KAZN: variants seen among roughly 807,000 people sequenced by gnomAD.
The protein encoded by KAZN is kazrin, periplakin interacting protein, also known as kazrin.
Under a neutral mutation model 87.4 loss-of-function variants are expected in KAZN, and 40 were observed. The ratio of observed to expected loss-of-function variants is 0.46; its 90% CI spans 0.36 to 0.60. KAZN has a LOEUF of 0.60. Ranked by LOEUF, KAZN falls within the 20% of genes least tolerant of loss-of-function variation. The probability of loss-of-function intolerance (pLI) is 0.00; values close to 1 mark genes in which losing one functional copy is unlikely to be tolerated. For synonymous variants in KAZN, 466 were observed against 458.3 expected (o/e 1.02, Z -0.22); for missense variants, 898 against 1,073.9 (o/e 0.84, Z 2.29).
At chr1:14,429,147 C>T (rs1362209287) in intron 2 of KAZN, among the ~76,000 whole-genome samples, 1 of 152,038 alleles carries the variant, frequency 6.6e-6, no homozygotes, top group East Asian at 1.9e-4. Context: ...TTCAGTCAAG[C>T]TCTAGAAAAT....
At chr1:14,800,979 T>G (rs1156898573) in intron 1 of KAZN, among the ~76,000 whole-genome samples, 1 of 150,974 alleles carries the variant, frequency 6.6e-6, no homozygotes, top group African/African-American at 2.4e-5. Context: ...CACAACCTCA[T>G]GAATATGCTA....
chr1:14,639,236 A>T (rs1355704775), intron 1 of KAZN, among the ~76,000 whole-genome samples: 1 of 152,130 alleles, frequency 6.6e-6, no homozygotes, highest in African/African-American at 2.4e-5. Context: ...TGAGAAGGGG[A>T]GACCTCCCAT....
rs1162408665 is a variant in KAZN, at chr1:15,094,771, G to A, written c.1429-44G>A. ...CCCCCTCTAGGGCAGGAACCCCGCCGGCAGCTGTCCCAGCCCCCATATGAC... is the reference window on the plus strand; with the variant it reads ...CCCCCTCTAGGGCAGGAACCCCGCCAGCAGCTGTCCCAGCCCCCATATGAC... On this transcript the variant is annotated intron_variant, in intron 9 of 14. Transcript: ENST00000376030. The surrounding 1 kb of genome is among the most constrained non-coding windows in gnomAD (Gnocchi z 4.5). 1.8e-5 allele frequency: 26 copies of A among 1,451,276 alleles called. No homozygotes were observed. In the Admixed American group the frequency reaches 1.8e-4, roughly 10 times the overall value. 89.9% of individuals were successfully genotyped at this position (1,451,276 alleles called of 1,614,324 possible). A position where few individuals can be genotyped will look rare whatever the true frequency, so the allele number is the denominator to read the frequency against.
At chr1:14,551,405 T>G (rs1479600059) in intron 2 of KAZN, among the ~76,000 whole-genome samples, 1 of 152,186 alleles carries the variant, frequency 6.6e-6, no homozygotes, top group African/African-American at 2.4e-5. Flanking sequence ...TGTAGAGAAT[T>G]TGGGACATCT....
chr1:14,427,145 G>A (rs2101354077), intron 2 of KAZN, among the ~76,000 whole-genome samples: 1 of 152,318 alleles, frequency 6.6e-6, no homozygotes, highest in Non-Finnish European at 1.5e-5. Flanking sequence ...CAGAGATCAG[G>A]AAATGCTTTT....
intron 2 of KAZN, among the ~76,000 whole-genome samples, chr1:14,966,480 A>G (rs1664470098): frequency 6.6e-6 from 1 of 152,100 alleles, no homozygotes; most frequent in African/African-American, 2.4e-5. Context: ...GTTTTGTATT[A>G]ATAGTTGGAG....
At chr1:15,011,436 T>G (rs1669562190) in intron 2 of KAZN, among the ~76,000 whole-genome samples, 1 of 152,160 alleles carries the variant, frequency 6.6e-6, no homozygotes, top group Non-Finnish European at 1.5e-5. Flanking sequence ...GAGGTGGTTG[T>G]TTGCACTTCT....
At chr1:15,087,640 G>T (rs1204826938) in intron 8 of KAZN, among the ~76,000 whole-genome samples, 1 of 152,062 alleles carries the variant, frequency 6.6e-6, no homozygotes, top group East Asian at 1.9e-4. Context: ...ACCCACCTCG[G>T]TGTCCCAAAG....
intron 1 of KAZN, among the ~76,000 whole-genome samples, chr1:14,055,449 A>T (rs1304644185): frequency 2.0e-5 from 3 of 152,152 alleles, no homozygotes; most frequent in African/African-American, 7.2e-5. Context: ...ACGCATGTTG[A>T]TTGGGTCTGT....
intron 2 of KAZN, among the ~76,000 whole-genome samples, chr1:14,183,675 A>G (rs1346585020): frequency 2.6e-5 from 4 of 152,132 alleles, no homozygotes; most frequent in African/African-American, 9.7e-5. Context: ...GATTACAGCA[A>G]ATTAAATCTC....
intron 1 of KAZN, among the ~76,000 whole-genome samples, chr1:14,667,884 G>A (rs1053401384): frequency 2.6e-5 from 4 of 151,286 alleles, no homozygotes; most frequent in African/African-American, 7.3e-5. Flanking sequence ...TGATCAAATC[G>A]CTCCTTGAAG....
In KAZN at chr1:14,283,521, A is replaced by C. The variant is rs188212213; in HGVS notation, c.249+102929A>C. ...ACATCGTTAACTATCAGGGAAATGA[A>C]AATCAGCACCACAATGAGATACCAC... is the stretch of plus-strand genomic sequence containing the variant. On this transcript the variant is annotated intron_variant, in intron 2 of 16. Coordinates refer to the KAZN transcript ENST00000636203. Among the ~76,000 whole-genome samples, 645 of 152,338 alleles carry C rather than the reference A, an allele frequency of 4.2e-3. 6 individuals carry two copies. Among genetic ancestry groups the C allele is most frequent in the African/African-American group, 0.015 (619 of 41,582 alleles).
chr1:14,712,207 C>A (rs1642525434), intron 1 of KAZN, among the ~76,000 whole-genome samples: 1 of 152,164 alleles, frequency 6.6e-6, no homozygotes, highest in African/African-American at 2.4e-5. Context: ...TTTAAAAGAT[C>A]ACCCTGGACA....
intron 1 of KAZN, among the ~76,000 whole-genome samples, chr1:13,955,335 CAT>C (rs1343356164): frequency 6.6e-6 from 1 of 152,084 alleles, no homozygotes; most frequent in Non-Finnish European, 1.5e-5. Flanking sequence ...TATAAAAATA[CAT>C]GTTTTTATTG....
intron 1 of KAZN, among the ~76,000 whole-genome samples, chr1:14,852,481 T>A (rs1649571864): frequency 6.6e-6 from 1 of 152,200 alleles, no homozygotes; most frequent in African/African-American, 2.4e-5. Context: ...TGTTCCCTTA[T>A]CAAAAGGCCC....
At chr1:14,002,244 G>GA (rs1454738081) in intron 1 of KAZN, among the ~76,000 whole-genome samples, 1 of 152,172 alleles carries the variant, frequency 6.6e-6, no homozygotes, top group Non-Finnish European at 1.5e-5. Flanking sequence ...ACAAACATAT[G>GA]AAAAAAAGCT....
intron 2 of KAZN, among the ~76,000 whole-genome samples, chr1:14,991,683 G>A (rs1667372937): frequency 6.6e-6 from 1 of 152,200 alleles, no homozygotes; most frequent in Admixed American, 6.5e-5. Context: ...CAAGGCTGGA[G>A]AGGCCAGGCT....
rs1009319086 is a variant in KAZN at position 15,081,448 on chromosome 1, A to C, written c.1223-12732A>C. Among the ~76,000 whole-genome samples the C allele has an allele frequency of 6.6e-6, 1 of 152,202 alleles. No individual in the cohort carries two copies. The highest frequency in any genetic ancestry group is 2.4e-5 in the African/African-American group (1 of 41,442). On this transcript the variant is annotated intron_variant, in intron 8 of 14. Coordinates refer to ENST00000376030, the MANE Select transcript of KAZN (RefSeq NM_201628.3). This position sits in a 1 kb window ranked among gnomAD's most constrained non-coding sequence, Gnocchi z 4.1. Reference sequence around the variant, plus strand: ...GCAAAACCAGGCCCAGCGCCTGCTCATGTGCAGTTTATGGTCTGGTGGGAG... The same window carrying C: ...GCAAAACCAGGCCCAGCGCCTGCTCCTGTGCAGTTTATGGTCTGGTGGGAG...
intron 1 of KAZN, among the ~76,000 whole-genome samples, chr1:14,742,649 CAAG>C (rs770249977): frequency 2.0e-5 from 3 of 152,214 alleles, no homozygotes; most frequent in Non-Finnish European, 4.4e-5. Flanking sequence ...CCAAAACTCC[CAAG>C]AAGTGTCAGC....
Sources: allele counts gnomAD v4.1 joint callset (sites outside exome capture counted in the v4.1 genomes callset), GRCh38; gene constraint gnomAD v4.1.1; non-coding constraint Gnocchi (gnomAD v3.1); transcripts MANE v1.5; gene names NCBI Gene and HGNC (gene_info 2026-07-23, HGNC 2026-07-21).